The following MYH14 variants were observed in gnomAD, a reference collection of about 807,000 sequenced individuals.
MYH14 encodes the protein myosin heavy chain 14.
MYH14 carries 123 observed loss-of-function variants against 255.5 expected under a neutral mutation model. That is an observed-to-expected ratio of 0.48 (90% confidence interval 0.42 to 0.56). MYH14 has a LOEUF of 0.56. Ranked by LOEUF, MYH14 falls within the 20% of genes least tolerant of loss-of-function variation. The pLI, the probability that MYH14 is intolerant of heterozygous loss-of-function variation, is 0.00. For missense variants in MYH14, 2,423 were observed against 2,802.3 expected (o/e 0.86, Z 3.06); for synonymous variants, 1,095 against 1,161.2 (o/e 0.94, Z 1.16).
intron 16 of MYH14, among the ~76,000 whole-genome samples, chr19:50,253,478 A>G (rs1278271854): frequency 6.6e-6 from 1 of 151,758 alleles, no homozygotes; most frequent in Non-Finnish European, 1.5e-5. Context: ...GAAATAATTT[A>G]TAACAATAAG....
intron 39 of MYH14, among the ~76,000 whole-genome samples, chr19:50,298,335 A>G (rs2123469884): frequency 6.6e-6 from 1 of 152,222 alleles, no homozygotes; most frequent in East Asian, 1.9e-4. Context: ...TTACTCTAAA[A>G]GGGCTATGCA....
intron 10 of MYH14, among the ~76,000 whole-genome samples, chr19:50,237,111 C>T (rs1380541310): frequency 6.6e-6 from 1 of 152,160 alleles, no homozygotes; most frequent in Non-Finnish European, 1.5e-5. Context: ...CACATTGTAG[C>T]ATGCAGTAGG....
chr19:50,279,085 T>G (rs936417962), intron 30 of MYH14, among the ~76,000 whole-genome samples: 6 of 152,210 alleles, frequency 3.9e-5, no homozygotes, highest in African/African-American at 9.7e-5. Flanking sequence ...AATCTAATTT[T>G]GGACCATTTT....
At chr19:50,256,350 C>T (rs1186021330) in intron 17 of MYH14, among the ~76,000 whole-genome samples, 1 of 152,156 alleles carries the variant, frequency 6.6e-6, no homozygotes, top group African/African-American at 2.4e-5. Flanking sequence ...CCCAAAGCAG[C>T]ACCGCCAAGC....
At chr19:50,211,115 G>A (rs75572669) in intron 2 of MYH14, among the ~76,000 whole-genome samples, 5,825 of 152,248 alleles carry the variant, frequency 0.038, 120 homozygotes, top group Middle Eastern at 0.054. Flanking sequence ...GTATAGAAAT[G>A]TGTTGCTTGA....
At position 50,308,946 on chromosome 19, in the gene MYH14, G is replaced by A. The variant is rs998974092; in HGVS notation, c.5788-59G>A. 4.0e-6 allele frequency: 6 copies of A among 1,491,198 alleles called. No homozygotes were observed. The Admixed American group carries it at 1.2e-4, about 30-fold the overall frequency. 92.4% of individuals were successfully genotyped at this position (1,491,198 alleles called of 1,614,324 possible). On this transcript the variant is annotated intron_variant, in intron 41 of 42. Coordinates refer to ENST00000642316, the MANE Select transcript of MYH14 (RefSeq NM_001145809.2). Reference sequence around the variant, plus strand: ...GATGGGGCAGTAGTGGGCTGTTGGAGAGGGAGGGAGTGATGACAGTACCTG... The same window carrying A: ...GATGGGGCAGTAGTGGGCTGTTGGAAAGGGAGGGAGTGATGACAGTACCTG...
At chr19:50,272,957 T>C (rs1600996664) in intron 27 of MYH14, among the ~76,000 whole-genome samples, 1 of 152,112 alleles carries the variant, frequency 6.6e-6, no homozygotes, top group South Asian at 2.1e-4. Flanking sequence ...ACTCTATGTG[T>C]CTGGTAACTT....
At chr19:50,289,792 C>A in intron 35 of MYH14, 144 bp downstream of exon 35, 1 of 722,076 alleles carries the variant, frequency 1.4e-6, no homozygotes, top group Non-Finnish European at 2.3e-6. Flanking sequence ...AGTATCTCCC[C>A]AACCCTTCCA....
rs761718453 is a variant in MYH14, at chr19:50,309,900, AAAT to A, written c.*111_*113del. 1.8e-5 allele frequency: 21 copies of A among 1,183,570 alleles called. No homozygotes were observed. In the South Asian group the frequency reaches 2.7e-4, roughly 15 times the overall value. The allele number at this position is 1,183,570 out of a possible 1,614,324, so 73.3% of individuals were successfully genotyped here. On this transcript the variant is annotated 3_prime_UTR_variant, in exon 43 of 43. Coordinates refer to ENST00000642316, the MANE Select transcript of MYH14 (RefSeq NM_001145809.2). The stretch of plus-strand genomic sequence containing the variant: ...CGCCCTCTGACTTCTTGCCCTTTGG[AAAT>A]GGTGCAGCACTCTGGCATTTATCAC...
intron 27 of MYH14, among the ~76,000 whole-genome samples, chr19:50,273,451 T>G (rs963255997): frequency 6.6e-6 from 1 of 152,216 alleles, no homozygotes; most frequent in East Asian, 1.9e-4. Context: ...GAGCTCCTAC[T>G]GTATGCCAAA....
rs909960778 is a variant in MYH14, at chr19:50,259,166, T to G, written c.2255T>G (p.Leu752Arg). Residue 752 changes from leucine to arginine, a missense_variant, in exon 19 of 43, where the codon CTG (leucine) becomes CGG (arginine). Physicochemically the swap from Leu to Arg is moderately radical, Grantham distance 102. Coordinates refer to ENST00000642316, the MANE Select transcript of MYH14 (RefSeq NM_001145809.2). The part of the protein sequence containing the change: ...EKRAGKLEPR[L>R]VLDQLRCNGV... ...CAGGCCGGGAAGCTGGAGCCACGGC[T>G]GGTGCTGGACCAGCTTCGCTGCAAC... 6.4e-7 allele frequency: 1 copy of G among 1,560,414 alleles called. No homozygotes were observed. Among genetic ancestry groups the G allele is most frequent in the African/African-American group, 1.4e-5 (1 of 73,408 alleles).
chr19:50,277,466 C>A (rs938939005), intron 29 of MYH14, among the ~76,000 whole-genome samples: 2 of 151,482 alleles, frequency 1.3e-5, no homozygotes, highest in East Asian at 3.9e-4. Context: ...ACTAGCTGGG[C>A]GTGGTGGCAC....
intron 22 of MYH14, among the ~76,000 whole-genome samples, chr19:50,264,329 C>T (rs2035005052): frequency 6.6e-6 from 1 of 152,188 alleles, no homozygotes; most frequent in African/African-American, 2.4e-5. Flanking sequence ...TACTCAGTCT[C>T]CAGCCCCTCC....
chr19:50,263,407 G>A lies in MYH14; in HGVS notation c.2681G>A (p.Arg894Gln), dbSNP rs760426191. Residue 894 changes from arginine (R) to glutamine (Q), a missense_variant, in exon 22 of 43, where the codon CGG (arginine) becomes CAG (glutamine). Around this residue, in one of 3 missense-constraint regions of MYH14, gnomAD observed 1,513 missense variants for 1,674.8 expected, o/e 0.90. Transcript: ENST00000642316. Reference sequence around the variant, plus strand: ...AAGCTGAGACACTGGCAGTGGTGGCGGCTGTTTACCAAGGTGAGGGCAGCC... The same window carrying A: ...AAGCTGAGACACTGGCAGTGGTGGCAGCTGTTTACCAAGGTGAGGGCAGCC... ...YLKLRHWQWWRLFTKVKPLLQ... is the reference protein window; with the variant it reads ...YLKLRHWQWWQLFTKVKPLLQ... The A allele has an allele frequency of 1.8e-5, 29 of 1,601,022 alleles. No individual in the cohort carries two copies. Among genetic ancestry groups the A allele is most frequent in the East Asian group, 2.3e-5 (1 of 44,214 alleles).
intron 24 of MYH14, among the ~76,000 whole-genome samples, chr19:50,271,019 T>G (rs1290286945): frequency 6.6e-6 from 1 of 152,128 alleles, no homozygotes; most frequent in Non-Finnish European, 1.5e-5. Context: ...TAGTTTATAA[T>G]CTGTACCCCT....
chr19:50,268,813 C>T (rs2035191314), intron 24 of MYH14, among the ~76,000 whole-genome samples: 1 of 152,178 alleles, frequency 6.6e-6, no homozygotes, highest in Non-Finnish European at 1.5e-5. Flanking sequence ...TAGCTTCAGG[C>T]ATGGCTGGAT....
chr19:50,245,119 A>G, intron 11 of MYH14, among the ~76,000 whole-genome samples: 1 of 152,196 alleles, frequency 6.6e-6, no homozygotes, highest in East Asian at 1.9e-4. Context: ...CTGGCATGAC[A>G]GAAAAGTAGA....
At chr19:50,302,306 G>A (rs1423066962) in intron 40 of MYH14, among the ~76,000 whole-genome samples, 1 of 134,722 alleles carries the variant, frequency 7.4e-6, no homozygotes, top group Non-Finnish European at 1.5e-5. Context: ...AAACAGCCAG[G>A]CACAGTGGCT....
intron 11 of MYH14, 127 bp downstream of exon 11, chr19:50,244,464 A>G (rs1600925158): frequency 1.6e-6 from 1 of 626,788 alleles, no homozygotes; most frequent in Non-Finnish European, 2.7e-6. Flanking sequence ...ACCCAGGATC[A>G]CTCTGATTTC....
Sources: gnomAD v4.1 joint callset for allele counts (sites outside exome capture counted in the v4.1 genomes callset) on GRCh38, gnomAD v4.1.1 for gene constraint, gnomAD v4.1.1 regional missense constraint, MANE v1.5 for transcripts, NCBI Gene and HGNC (gene_info 2026-07-23, HGNC 2026-07-21) for gene names.